Variants in LPAR1 observed in about 807,000 individuals in gnomAD.
LPAR1 encodes LPA receptor 1.
In LPAR1, 5 loss-of-function variants were observed where a neutral mutation model predicts 23.8. The ratio of observed to expected loss-of-function variants is 0.21; its 90% confidence interval spans 0.11 to 0.44. The LOEUF is 0.44. Ranked by LOEUF, LPAR1 falls within the 20% of genes least tolerant of loss-of-function variation. LPAR1 has a pLI of 0.99. For synonymous variants in LPAR1, 160 were observed against 164.7 expected (o/e 0.97, Z 0.22); for missense variants, 311 against 482.8 (o/e 0.64, Z 3.33).
At chr9:110,885,846 T>C (rs934184387) in intron 5 of LPAR1, among the ~76,000 whole-genome samples, 14 of 152,162 alleles carry the variant, frequency 9.2e-5, no homozygotes, top group African/African-American at 1.9e-4. Context: ...ATGGATCACC[T>C]GAGGTGAGGA....
chr9:110,881,168 C>T (rs2080705509), intron 5 of LPAR1, among the ~76,000 whole-genome samples: 1 of 152,080 alleles, frequency 6.6e-6, no homozygotes, highest in Non-Finnish European at 1.5e-5. Flanking sequence ...TTATTTCCAC[C>T]CTGATACCAA....
intron 4 of LPAR1, among the ~76,000 whole-genome samples, chr9:110,969,575 G>A (rs1036204639): frequency 1.3e-5 from 2 of 152,018 alleles, no homozygotes; most frequent in Non-Finnish European, 2.9e-5. Flanking sequence ...AACCAGGCAT[G>A]GAGGCACACA....
At chr9:110,882,366 C>T (rs955790370) in intron 5 of LPAR1, among the ~76,000 whole-genome samples, 9 of 152,060 alleles carry the variant, frequency 5.9e-5, no homozygotes, top group Admixed American at 4.6e-4. Context: ...CATAGCTAAG[C>T]GCCTAGTACA....
intron 5 of LPAR1, among the ~76,000 whole-genome samples, chr9:110,884,578 A>C (rs2081845194): frequency 6.6e-6 from 1 of 152,238 alleles, no homozygotes; most frequent in Non-Finnish European, 1.5e-5. Flanking sequence ...CTGGCTAGCT[A>C]GCTACCAACC....
chr9:110,931,379 C>T (rs1447322824), intron 5 of LPAR1, among the ~76,000 whole-genome samples: 1 of 152,164 alleles, frequency 6.6e-6, no homozygotes, highest in Non-Finnish European at 1.5e-5. Context: ...AAGCAGGATA[C>T]ATATTTTTGT....
At chr9:110,923,616 T>G (rs73655679) in intron 5 of LPAR1, among the ~76,000 whole-genome samples, 109 of 152,356 alleles carry the variant, frequency 7.2e-4, no homozygotes, top group African/African-American at 2.5e-3. Context: ...GATGGATTTA[T>G]GGAGATGTAA....
chr9:110,920,791 T>C (rs1470763963), intron 5 of LPAR1, among the ~76,000 whole-genome samples: 2 of 152,146 alleles, frequency 1.3e-5, no homozygotes, highest in Non-Finnish European at 2.9e-5. Flanking sequence ...ATAAAAATCA[T>C]CACAGATAAT....
intron 2 of LPAR1, among the ~76,000 whole-genome samples, chr9:110,988,183 A>T (rs1588703253): frequency 2.0e-5 from 3 of 152,208 alleles, no homozygotes; most frequent in Admixed American, 2.0e-4. Context: ...AACATACAAA[A>T]GGTGAAAGAA....
chr9:110,957,348 A>AT (rs1292244529), intron 4 of LPAR1, among the ~76,000 whole-genome samples: 8 of 143,412 alleles, frequency 5.6e-5, no homozygotes, highest in African/African-American at 1.8e-4. Context: ...TCAAAAAAAA[A>AT]AAAATAATAA....
At chr9:110,945,565 C>A (rs1234122147) in intron 4 of LPAR1, among the ~76,000 whole-genome samples, 2 of 152,122 alleles carry the variant, frequency 1.3e-5, no homozygotes, top group African/African-American at 2.4e-5. Flanking sequence ...AAAAACATCA[C>A]AAAAATAGTT....
chr9:110,944,169 T>G (rs1314178480), intron 4 of LPAR1, among the ~76,000 whole-genome samples: 1 of 152,182 alleles, frequency 6.6e-6, no homozygotes, highest in Non-Finnish European at 1.5e-5. Context: ...CCGCAAGAAC[T>G]TCTGATTCAG....
intron 5 of LPAR1, among the ~76,000 whole-genome samples, chr9:110,896,787 C>CTTTTTTTTT (rs3030133): frequency 7.9e-6 from 1 of 126,354 alleles, no homozygotes; most frequent in Non-Finnish European, 1.6e-5. Context: ...TTAGTGAAAT[C>CTTTTTTTTT]TTTTTTTTTT....
chr9:110,969,934 G>A (rs2096360493), intron 4 of LPAR1, among the ~76,000 whole-genome samples: 1 of 152,144 alleles, frequency 6.6e-6, no homozygotes, highest in African/African-American at 2.4e-5. Context: ...AGCAGGGCAT[G>A]TGCAGAAGTG....
chr9:110,881,731 C>T (rs1161213629), intron 5 of LPAR1, among the ~76,000 whole-genome samples: 1 of 152,192 alleles, frequency 6.6e-6, no homozygotes, highest in Non-Finnish European at 1.5e-5. Flanking sequence ...GCAACAGGCT[C>T]TTAACCAATT....
At chr9:110,943,959 A>G (rs1304773659) in intron 4 of LPAR1, among the ~76,000 whole-genome samples, 1 of 152,100 alleles carries the variant, frequency 6.6e-6, no homozygotes, top group Non-Finnish European at 1.5e-5. Flanking sequence ...AAAAGTCTAA[A>G]CTTTTCAATC....
chr9:110,912,009 A>G (rs1450508020), intron 5 of LPAR1, among the ~76,000 whole-genome samples: 1 of 152,206 alleles, frequency 6.6e-6, no homozygotes, highest in African/African-American at 2.4e-5. Flanking sequence ...AGAAAACCTA[A>G]AAGGCAGAAA....
rs1292546981 is a variant in LPAR1 at position 110,874,576 on chromosome 9, T to C, written c.*845A>G. 1 of 152,658 alleles carries C rather than the reference T, an allele frequency of 6.6e-6. No individual in the cohort carries two copies. Among genetic ancestry groups the C allele is most frequent in the African/African-American group, 2.4e-5 (1 of 41,470 alleles). 9.5% of individuals were successfully genotyped at this position (152,658 alleles called of 1,614,324 possible). A position where few individuals can be genotyped will look rare whatever the true frequency, so the allele number is the denominator to read the frequency against. On this transcript the variant is annotated 3_prime_UTR_variant, in exon 6 of 6. Transcript: ENST00000683809. Reference sequence around the variant, plus strand: ...AAAGACTACGAAAATTTTCCTCTGATATACTGGTAATTAGAATGTACTTGG... The same window carrying C: ...AAAGACTACGAAAATTTTCCTCTGACATACTGGTAATTAGAATGTACTTGG...
chr9:110,981,420 AGAATT>A (rs1349147785), intron 2 of LPAR1, among the ~76,000 whole-genome samples: 4 of 152,084 alleles, frequency 2.6e-5, no homozygotes, highest in African/African-American at 7.2e-5. Context: ...TATGACTATA[AGAATT>A]GAATTGATTA....
intron 2 of LPAR1, among the ~76,000 whole-genome samples, chr9:110,997,352 A>AT (rs1370743542): frequency 6.6e-6 from 1 of 152,238 alleles, no homozygotes; most frequent in East Asian, 1.9e-4. Context: ...AACTGAGTGC[A>AT]AAATTTTACT....
Sources: gnomAD v4.1 joint callset for allele counts (sites outside exome capture counted in the v4.1 genomes callset) on GRCh38, gnomAD v4.1.1 for gene constraint, MANE v1.5 for transcripts, NCBI Gene and HGNC (gene_info 2026-07-23, HGNC 2026-07-21) for gene names.